The following NBAS variants were observed in gnomAD, a reference collection of about 807,000 sequenced individuals.
NBAS encodes NBAS subunit of NRZ tethering complex.
In NBAS, 219 loss-of-function variants were observed where a neutral mutation model predicts 302.5. That is an observed-to-expected ratio of 0.72 (90% confidence interval 0.65 to 0.81). The LOEUF (loss-of-function observed/expected upper bound fraction) is 0.81. Ranked by LOEUF, NBAS falls within the 30% of genes least tolerant of loss-of-function variation. The pLI is 0.00. For synonymous variants in NBAS, 1,118 were observed against 1,021.6 expected (o/e 1.09, Z -1.80); for missense variants, 2,932 against 2,841.6 (o/e 1.03, Z -0.72).
chr2:15,473,371 G>T, intron 15 of NBAS, 24 bp from the exon 16 acceptor site: 2 of 1,612,552 alleles, frequency 1.2e-6, no homozygotes, highest in Non-Finnish European at 1.7e-6. Flanking sequence ...CACGAGGACA[G>T]GAATGTTACA....
At chr2:14,876,046 C>T in the NBAS span, among the ~76,000 whole-genome samples, 2 of 152,162 alleles carry the variant, frequency 1.3e-5, no homozygotes, top group African/African-American at 4.8e-5. Flanking sequence ...ATGGAGACAA[C>T]CACTTTTGCA....
At chr2:15,189,451 G>C (rs1014319277) in intron 49 of NBAS, among the ~76,000 whole-genome samples, 2 of 152,154 alleles carry the variant, frequency 1.3e-5, no homozygotes, top group Non-Finnish European at 2.9e-5. Flanking sequence ...TGTGGGGGCA[G>C]TATGTCAGCT....
the NBAS span, among the ~76,000 whole-genome samples, chr2:15,045,833 C>G: frequency 6.6e-6 from 1 of 152,196 alleles, no homozygotes; most frequent in Non-Finnish European, 1.5e-5. Context: ...CACTAACAGT[C>G]TACAAGAGTT....
the NBAS span, among the ~76,000 whole-genome samples, chr2:15,133,931 G>T: frequency 6.6e-6 from 1 of 152,182 alleles, no homozygotes; most frequent in Admixed American, 6.5e-5. Context: ...TTTCAGACAA[G>T]ATCTGAAAAG....
chr2:14,788,713 G>T, the NBAS span, among the ~76,000 whole-genome samples: 87 of 152,262 alleles, frequency 5.7e-4, no homozygotes, highest in Non-Finnish European at 1.0e-3. Context: ...CTGGCCGTGT[G>T]AGGTGTGAGG....
At chr2:15,491,742 GAA>G (rs1314925793) in intron 11 of NBAS, among the ~76,000 whole-genome samples, 1 of 122,830 alleles carries the variant, frequency 8.1e-6, no homozygotes. Flanking sequence ...TCTCAAAAAA[GAA>G]AAAAAAAAAA....
intron 44 of NBAS, among the ~76,000 whole-genome samples, chr2:15,268,485 A>T (rs1416875270): frequency 6.6e-6 from 1 of 152,172 alleles, no homozygotes; most frequent in Non-Finnish European, 1.5e-5. Flanking sequence ...AAATGGTAAT[A>T]CTTAGGACAA....
At chr2:15,445,155 G>C (rs1470931527) in intron 21 of NBAS, among the ~76,000 whole-genome samples, 2 of 151,426 alleles carry the variant, frequency 1.3e-5, no homozygotes, top group African/African-American at 4.9e-5. Context: ...CCATTACTGG[G>C]TATATACCCA....
At chr2:14,779,635 C>T in the NBAS span, among the ~76,000 whole-genome samples, 3 of 152,262 alleles carry the variant, frequency 2.0e-5, no homozygotes, top group Admixed American at 6.5e-5. Flanking sequence ...ACCTTATCAG[C>T]GCTTCCTGGC....
the NBAS span, among the ~76,000 whole-genome samples, chr2:14,934,649 C>T: frequency 6.6e-6 from 1 of 152,132 alleles, no homozygotes; most frequent in Non-Finnish European, 1.5e-5. Flanking sequence ...TTTTAATACC[C>T]TATGTCAACT....
chr2:14,924,142 G>A, the NBAS span, among the ~76,000 whole-genome samples: 234 of 152,276 alleles, frequency 1.5e-3, no homozygotes, highest in African/African-American at 4.7e-3. Context: ...TTTGGAAACC[G>A]AAGAGTAAAG....
At chr2:15,514,806 G>A (rs189513300) in intron 9 of NBAS, among the ~76,000 whole-genome samples, 105 of 152,172 alleles carry the variant, frequency 6.9e-4, no homozygotes, top group African/African-American at 2.4e-3. Flanking sequence ...TATGTCCTGG[G>A]TATTGCAAGA....
intron 50 of NBAS, 125 bp from the exon 51 acceptor site, chr2:15,179,241 G>A (rs1664707875): frequency 7.1e-7 from 1 of 1,415,076 alleles, no homozygotes; most frequent in East Asian, 2.4e-5. Flanking sequence ...AGCCACATAT[G>A]GTACCGCACT....
rs774182391 is a variant in NBAS, at chr2:15,475,899, A to G, written c.1148-19T>C. On this transcript the variant is annotated intron_variant, in intron 13 of 51. Coordinates refer to ENST00000281513, the MANE Select transcript of NBAS (RefSeq NM_015909.4). Reference sequence around the variant, plus strand: ...TCTTTATCTAAGAAGCGAAAAACAAATCAATACAAATGCATCTGCTAATGT... The same window carrying G: ...TCTTTATCTAAGAAGCGAAAAACAAGTCAATACAAATGCATCTGCTAATGT... The G allele has an allele frequency of 6.4e-7, 1 of 1,573,070 alleles. No individual in the cohort carries two copies. The highest frequency in any genetic ancestry group is 8.7e-7 in the Non-Finnish European group (1 of 1,143,924).
At chr2:15,078,804 T>C in the NBAS span, among the ~76,000 whole-genome samples, 6 of 152,358 alleles carry the variant, frequency 3.9e-5, no homozygotes, top group Admixed American at 1.3e-4. Context: ...TGACGACTTT[T>C]ATCATTTGGA....
chr2:15,454,810 C>T (rs554888012), intron 21 of NBAS, among the ~76,000 whole-genome samples: 49 of 152,308 alleles, frequency 3.2e-4, no homozygotes, highest in Admixed American at 2.9e-3. Context: ...ACTCACCTTC[C>T]ATAAGCAAGG....
Position 15,427,787 on chromosome 2 carries a change from C to A in NBAS, c.2347G>T (p.Gly783Cys). 1 of 1,611,304 alleles carries A rather than the reference C, an allele frequency of 6.2e-7. No homozygotes were observed. Residue 783 changes from glycine to cysteine, a missense_variant, in exon 22 of 52, where the codon GGT becomes TGT. Physicochemically the swap from Gly to Cys is radical, Grantham distance 159. Coordinates refer to ENST00000281513, the MANE Select transcript of NBAS (RefSeq NM_015909.4). Reference sequence around the variant, plus strand: ...CAAGGAATGATCATCAGGGAGTCACCGTTAAAACTCAAATTTAAAAAAAAA... The same window carrying A: ...CAAGGAATGATCATCAGGGAGTCACAGTTAAAACTCAAATTTAAAAAAAAA... ...SVLLPEACFN[G>C]DSLMIIPWHE...
the NBAS span, among the ~76,000 whole-genome samples, chr2:15,029,372 C>T: frequency 2.0e-5 from 3 of 152,158 alleles, no homozygotes; most frequent in Non-Finnish European, 4.4e-5. Flanking sequence ...TCAGCTGATA[C>T]AGACTCGCTG....
At chr2:15,429,042 A>AG (rs1291457399) in intron 21 of NBAS, among the ~76,000 whole-genome samples, 6 of 147,528 alleles carry the variant, frequency 4.1e-5, no homozygotes, top group African/African-American at 1.5e-4. Context: ...TGTCTCAAAA[A>AG]AAAAAAAAAG....
Sources: gnomAD v4.1 joint callset for allele counts (sites outside exome capture counted in the v4.1 genomes callset) on GRCh38, gnomAD v4.1.1 for gene constraint, MANE v1.5 for transcripts, NCBI Gene and HGNC (gene_info 2026-07-23, HGNC 2026-07-21) for gene names.